The following SCN11A variants were observed in gnomAD, a reference collection of about 807,000 sequenced individuals.
SCN11A encodes sodium channel protein type 11 subunit alpha.
In SCN11A, 122 loss-of-function variants were observed where a neutral mutation model predicts 162.2. That is an observed-to-expected ratio of 0.75 (90% CI 0.65 to 0.87). The LOEUF (loss-of-function observed/expected upper bound fraction) is 0.87. Ranked by LOEUF, SCN11A falls within the 40% of genes least tolerant of loss-of-function variation. The pLI, the probability that SCN11A is intolerant of heterozygous loss-of-function variation, is 0.00. For synonymous variants in SCN11A, 758 were observed against 751.5 expected (o/e 1.01, Z -0.14); for missense variants, 2,015 against 2,181.6 (o/e 0.92, Z 1.52).
intron 7 of SCN11A, among the ~76,000 whole-genome samples, chr3:38,938,511 T>TATATATATATAC (rs1193451825): frequency 3.6e-3 from 35 of 9,834 alleles, no homozygotes; most frequent in African/African-American, 0.011. Context: ...AAAAATATCA[T>TATATATATATAC]ATATATATAT....
chr3:39,033,723 G>T (rs1405682090), intron 1 of SCN11A, among the ~76,000 whole-genome samples: 1 of 152,058 alleles, frequency 6.6e-6, no homozygotes, highest in Non-Finnish European at 1.5e-5. Context: ...ATATCCATGG[G>T]TTCCACATCT....
chr3:38,850,756 G>GA lies in SCN11A; in HGVS notation c.4057-6dup, dbSNP rs756182817. ...CACGAGACCTTGACATTTGTTCTGAGAAAAAAAAGAAATTATAAATCATTT... is the reference window on the plus strand; with the variant it reads ...CACGAGACCTTGACATTTGTTCTGAGAAAAAAAAAGAAATTATAAATCATTT... On this transcript the variant is annotated splice_polypyrimidine_tract_variant and splice_region_variant and intron_variant, in intron 28 of 29. Transcript: ENST00000302328. 24 of 1,542,760 alleles carry GA rather than the reference G, an allele frequency of 1.6e-5. No individual in the cohort carries two copies. Among genetic ancestry groups the GA allele is most frequent in the South Asian group, 2.5e-5 (2 of 79,952 alleles).
chr3:39,025,368 GA>G (rs2031562495), intron 2 of SCN11A, among the ~76,000 whole-genome samples: 1 of 152,166 alleles, frequency 6.6e-6, no homozygotes, highest in Non-Finnish European at 1.5e-5. Flanking sequence ...AGTTTATTAA[GA>G]AAGTAAAGGA....
At chr3:38,975,647 G>T (rs1294336526) in intron 2 of SCN11A, among the ~76,000 whole-genome samples, 4 of 152,140 alleles carry the variant, frequency 2.6e-5, no homozygotes, top group African/African-American at 7.2e-5. Flanking sequence ...TTCCAAACAA[G>T]TCGAGAAGGA....
At position 38,941,449 on chromosome 3, in the gene SCN11A, G is replaced by A. The variant is rs181238310; in HGVS notation, c.488+3962C>T. ...AGAAATACTACCAAAAGATAACTTG[G>A]ATCTACAGGAAAAAAAATGTCTTTA... On this transcript the variant is annotated intron_variant, in intron 7 of 29. Transcript: ENST00000302328. Among the ~76,000 whole-genome samples, 958 of 152,096 alleles carry A rather than the reference G, an allele frequency of 6.3e-3. 7 individuals carry two copies. Among genetic ancestry groups the A allele is most frequent in the Middle Eastern group, 0.01 (3 of 294 alleles).
Position 38,908,928 on chromosome 3 carries a change from G to A in SCN11A, c.1299+69C>T, listed in dbSNP as rs1235318644. 11 of 1,396,036 alleles carry A rather than the reference G, an allele frequency of 7.9e-6. No homozygotes were observed. The East Asian group carries it at 2.5e-4, about 32-fold the overall frequency. 86.5% of individuals were successfully genotyped at this position (1,396,036 alleles called of 1,614,324 possible). A position where few individuals can be genotyped will look rare whatever the true frequency, so the allele number is the denominator to read the frequency against. Reference sequence around the variant, plus strand: ...CAAGGGTGGCAGCCTTGAGTCTCAGGTCACATTGCCTCTGGGGACCCCTTC... The same window carrying A: ...CAAGGGTGGCAGCCTTGAGTCTCAGATCACATTGCCTCTGGGGACCCCTTC... On this transcript the variant is annotated intron_variant, in intron 13 of 29. Coordinates refer to ENST00000302328, the MANE Select transcript of SCN11A (RefSeq NM_001349253.2).
intron 16 of SCN11A, among the ~76,000 whole-genome samples, chr3:38,900,786 G>T (rs1396589103): frequency 2.6e-5 from 4 of 152,074 alleles, no homozygotes; most frequent in African/African-American, 9.7e-5. Flanking sequence ...GAATAAAAAG[G>T]AGAGGCAGGA....
chr3:38,882,633 G>C (rs766264570), intron 22 of SCN11A, among the ~76,000 whole-genome samples: 2 of 152,094 alleles, frequency 1.3e-5, no homozygotes, highest in Non-Finnish European at 2.9e-5. Context: ...TGTGGAGAGA[G>C]AGCATAAAGG....
chr3:38,978,768 T>C (rs1459066603), intron 2 of SCN11A, among the ~76,000 whole-genome samples: 3 of 152,338 alleles, frequency 2.0e-5, no homozygotes, highest in Non-Finnish European at 4.4e-5. Flanking sequence ...CTAATGTGGT[T>C]TGTGGACCCA....
At chr3:39,019,887 T>C (rs995904092) in intron 2 of SCN11A, among the ~76,000 whole-genome samples, 1 of 152,188 alleles carries the variant, frequency 6.6e-6, no homozygotes, top group African/African-American at 2.4e-5. Context: ...CTCCAAATGG[T>C]TGGGGTATTT....
intron 27 of SCN11A, among the ~76,000 whole-genome samples, chr3:38,864,043 G>C (rs1447591011): frequency 1.3e-5 from 2 of 152,090 alleles, no homozygotes; most frequent in African/African-American, 4.8e-5. Context: ...TAAATGTAAG[G>C]GGGTAATGGG....
Position 38,863,540 on chromosome 3 carries a change from G to T in SCN11A, c.3952-241C>A, listed in dbSNP as rs143955069. 7.2e-4 allele frequency among the ~76,000 whole-genome samples: 110 copies of T among 152,038 alleles called. 4 individuals carry two copies. In the East Asian group the frequency reaches 0.02, roughly 27 times the overall value. ...ATTTTTCACTTTTTAGAACAGAAAG[G>T]TTACAAATCTTCGCAAATATACACA... On this transcript the variant is annotated intron_variant, in intron 27 of 29. Coordinates refer to ENST00000302328, the MANE Select transcript of SCN11A (RefSeq NM_001349253.2).
Position 38,966,697 on chromosome 3 carries a change from C to T in SCN11A, c.-279-6274G>A, listed in dbSNP as rs551419811. 2.0e-5 allele frequency among the ~76,000 whole-genome samples: 3 copies of T among 152,294 alleles called. No homozygotes were observed. In the South Asian group the frequency reaches 6.2e-4, roughly 32 times the overall value. On this transcript the variant is annotated intron_variant, in intron 2 of 29. Transcript: ENST00000302328. ...CCTACTCTGCTGTTGAACATTAGAA[C>T]TTATGCCTTCTACCTAACCGTATGT...
chr3:39,012,432 T>G (rs553416643), intron 2 of SCN11A, among the ~76,000 whole-genome samples: 2 of 151,316 alleles, frequency 1.3e-5, no homozygotes, highest in African/African-American at 4.9e-5. Context: ...CTTTCTTTCT[T>G]TCTTTCTCTC....
At chr3:38,940,943 T>C (rs2125568812) in intron 7 of SCN11A, among the ~76,000 whole-genome samples, 1 of 152,166 alleles carries the variant, frequency 6.6e-6, no homozygotes, top group South Asian at 2.1e-4. Flanking sequence ...AAAATATATA[T>C]ATAAGGACAA....
In SCN11A at chr3:38,928,688, C is replaced by T. The variant is rs192325558; in HGVS notation, c.489-1757G>A. Among the ~76,000 whole-genome samples, 335 of 152,202 alleles carry T rather than the reference C, an allele frequency of 2.2e-3. 1 individual carries two copies. Among genetic ancestry groups the T allele is most frequent in the African/African-American group, 7.9e-3 (328 of 41,530 alleles). On this transcript the variant is annotated intron_variant, in intron 7 of 29. Transcript: ENST00000302328. ...GCCAACGAGCATATGAAAAGATGCT[C>T]AACATCACTAACCATTAGAAAAATG...
At chr3:38,860,091 A>T (rs887897025) in intron 28 of SCN11A, among the ~76,000 whole-genome samples, 1 of 152,090 alleles carries the variant, frequency 6.6e-6, no homozygotes, top group Non-Finnish European at 1.5e-5. Flanking sequence ...GAAGATAGCA[A>T]GAAAACCTCA....
At chr3:38,866,282 G>A (rs756778922) in intron 27 of SCN11A, among the ~76,000 whole-genome samples, 6 of 151,296 alleles carry the variant, frequency 4.0e-5, no homozygotes, top group Admixed American at 6.6e-5. Context: ...GCAGTGGAGC[G>A]ATCTCGGCTT....
At chr3:39,015,515 G>A (rs896869790) in intron 2 of SCN11A, among the ~76,000 whole-genome samples, 1 of 152,164 alleles carries the variant, frequency 6.6e-6, no homozygotes. Flanking sequence ...TGATGTTAAT[G>A]CCATCTGCTC....
Sources: gnomAD v4.1 joint callset for allele counts (sites outside exome capture counted in the v4.1 genomes callset) on GRCh38, gnomAD v4.1.1 for gene constraint, MANE v1.5 for transcripts, NCBI Gene and HGNC (gene_info 2026-07-23, HGNC 2026-07-21) for gene names.